MARCHF1: variants seen among roughly 807,000 people sequenced by gnomAD.
MARCHF1 encodes the protein membrane associated ring-CH-type finger 1.
MARCHF1 carries 40 observed loss-of-function variants against 54.2 expected under a neutral mutation model. The observed-to-expected ratio is 0.74, with a 90% CI of 0.57 to 0.96. The LOEUF (loss-of-function observed/expected upper bound fraction) is 0.96. MARCHF1 is among the 40% of genes least tolerant of loss of function. MARCHF1 has a pLI of 0.00. For missense variants in MARCHF1, 586 were observed against 656.5 expected (o/e 0.89, Z 1.17); for synonymous variants, 236 against 236.3 (o/e 1.00, Z 0.01).
rs374400445 is a variant in MARCHF1 at position 164,131,394 on chromosome 4, T to C, written c.-322-19732A>G. 3.4e-5 allele frequency among the ~76,000 whole-genome samples: 5 copies of C among 148,814 alleles called. No individual in the cohort carries two copies. In the South Asian group the frequency reaches 8.3e-4, roughly 25 times the overall value. On this transcript the variant is annotated intron_variant, in intron 1 of 9. Coordinates refer to ENST00000514618, the MANE Select transcript of MARCHF1 (RefSeq NM_001394959.1). Reference sequence around the variant, plus strand: ...TGTTTGTCTATGTGAAAAAATTCTTTCTGTCAGAGCAAATTACGTTTGGCA... The same window carrying C: ...TGTTTGTCTATGTGAAAAAATTCTTCCTGTCAGAGCAAATTACGTTTGGCA...
At chr4:163,701,132 T>C (rs2137142) in intron 4 of MARCHF1, among the ~76,000 whole-genome samples, 68,516 of 152,014 alleles carry the variant, frequency 0.45, 15,957 homozygotes, top group Non-Finnish European at 0.51. Context: ...GAAATAATTA[T>C]TTCTCCAGAA....
chr4:164,196,962 AG>A lies in MARCHF1; in HGVS notation c.-322-85301del, dbSNP rs1731279736. ...AATCACAATAGGAATTTTTCAAAAT[AG>A]GTTATTCTACTTAGTCATCATCTTC... On this transcript the variant is annotated intron_variant, in intron 1 of 9. Transcript: ENST00000514618. The A allele has an allele frequency of 4.4e-6, 7 of 1,599,920 alleles. No homozygotes were observed. In the East Asian group the frequency reaches 1.6e-4, roughly 36 times the overall value.
At chr4:163,806,946 A>G (rs762043393) in intron 4 of MARCHF1, among the ~76,000 whole-genome samples, 13 of 152,236 alleles carry the variant, frequency 8.5e-5, no homozygotes, top group Non-Finnish European at 1.6e-4. Context: ...GAAAAAATGT[A>G]CACTTAACAA....
intron 1 of MARCHF1, among the ~76,000 whole-genome samples, chr4:164,271,440 T>C (rs1733743568): frequency 6.6e-6 from 1 of 152,108 alleles, no homozygotes; most frequent in Non-Finnish European, 1.5e-5. Flanking sequence ...ATGCTGATGT[T>C]CTCTAGAAGG....
chr4:163,996,198 T>G (rs992182221), intron 2 of MARCHF1, among the ~76,000 whole-genome samples: 1 of 151,976 alleles, frequency 6.6e-6, no homozygotes, highest in Non-Finnish European at 1.5e-5. Context: ...CTAACATTAG[T>G]AATGTTATTA....
Position 163,528,753 on chromosome 4 carries a change from C to G in MARCHF1, c.1633G>C (p.Val545Leu). The change falls in exon 10 of 10, where the codon GTC becomes CTC. Residue 545 changes from valine (V) to leucine (L), a missense_variant. By Grantham distance (32) the Val-to-Leu change is conservative. Coordinates refer to ENST00000514618, the MANE Select transcript of MARCHF1 (RefSeq NM_001394959.1). ...GAAACTCCCAACAGGTTCCATCAGACTGATACAACTTCAGGGGGGCCACCC... is the reference window on the plus strand; with the variant it reads ...GAAACTCCCAACAGGTTCCATCAGAGTGATACAACTTCAGGGGGGCCACCC... ...AEGGPPEVVS[V>L] 1.2e-6 allele frequency: 2 copies of G among 1,608,296 alleles called. No individual in the cohort carries two copies. Among genetic ancestry groups the G allele is most frequent in the South Asian group, 2.2e-5 (2 of 90,278 alleles).
At chr4:164,013,750 T>A (rs1029541632) in intron 2 of MARCHF1, among the ~76,000 whole-genome samples, 1 of 113,342 alleles carries the variant, frequency 8.8e-6, no homozygotes, top group Non-Finnish European at 2.2e-5. Context: ...GAAAAAAAAA[T>A]CTTTCAACCT....
At chr4:163,598,911 T>C (rs1018421683) in intron 7 of MARCHF1, among the ~76,000 whole-genome samples, 1 of 152,258 alleles carries the variant, frequency 6.6e-6, no homozygotes, top group Admixed American at 6.5e-5. Context: ...TCTTTTGTCG[T>C]AACAGCTTAA....
chr4:163,954,351 T>A (rs758123841), intron 3 of MARCHF1, among the ~76,000 whole-genome samples: 1 of 152,138 alleles, frequency 6.6e-6, no homozygotes, highest in Non-Finnish European at 1.5e-5. Context: ...TGTCTAAAAC[T>A]TTCTTGGATG....
At chr4:163,951,400 C>T in intron 3 of MARCHF1, among the ~76,000 whole-genome samples, 1 of 152,118 alleles carries the variant, frequency 6.6e-6, no homozygotes, top group Non-Finnish European at 1.5e-5. Flanking sequence ...AGAAAATATG[C>T]CAATTTAAGT....
At chr4:163,795,763 C>A (rs1226293138) in intron 4 of MARCHF1, among the ~76,000 whole-genome samples, 1 of 152,202 alleles carries the variant, frequency 6.6e-6, no homozygotes, top group Non-Finnish European at 1.5e-5. Flanking sequence ...AGTTGGGGCA[C>A]TGGCCCCCAC....
chr4:163,825,345 G>T (rs1316822471), intron 4 of MARCHF1, among the ~76,000 whole-genome samples: 1 of 151,976 alleles, frequency 6.6e-6, no homozygotes, highest in African/African-American at 2.4e-5. Context: ...GTCTAACATT[G>T]ATGGGCATCT....
chr4:163,982,317 C>A (rs774152285), intron 3 of MARCHF1, among the ~76,000 whole-genome samples: 10 of 152,180 alleles, frequency 6.6e-5, no homozygotes, highest in South Asian at 2.1e-4. Flanking sequence ...GTGTCAGATT[C>A]ACACCTGCTA....
chr4:164,336,784 A>G (rs1729753384), intron 1 of MARCHF1, among the ~76,000 whole-genome samples: 1 of 152,202 alleles, frequency 6.6e-6, no homozygotes, highest in African/African-American at 2.4e-5. Context: ...GTCTCATCAC[A>G]TGAAAGAAGC....
chr4:163,529,370 A>T (rs1193507982), intron 9 of MARCHF1, among the ~76,000 whole-genome samples: 2 of 152,066 alleles, frequency 1.3e-5, no homozygotes, highest in East Asian at 3.9e-4. Flanking sequence ...ACTGACATTT[A>T]TCCCTTATAG....
intron 5 of MARCHF1, among the ~76,000 whole-genome samples, chr4:163,669,432 A>G (rs1743651652): frequency 6.6e-6 from 1 of 152,116 alleles, no homozygotes; most frequent in African/African-American, 2.4e-5. Context: ...ACTTCCTGCT[A>G]ACACTTAATC....
At chr4:164,253,097 A>G (rs1369737308) in intron 1 of MARCHF1, among the ~76,000 whole-genome samples, 1 of 152,168 alleles carries the variant, frequency 6.6e-6, no homozygotes, top group African/African-American at 2.4e-5. Context: ...AATAATAGAC[A>G]TGAAGAAACA....
chr4:164,045,539 AT>A (rs1754224179), intron 2 of MARCHF1, among the ~76,000 whole-genome samples: 1 of 151,504 alleles, frequency 6.6e-6, no homozygotes, highest in Non-Finnish European at 1.5e-5. Context: ...AAATAAATAA[AT>A]AAATAAATAA....
chr4:164,034,636 A>G (rs79204048), intron 2 of MARCHF1, among the ~76,000 whole-genome samples: 18,223 of 151,410 alleles, frequency 0.12, 1,247 homozygotes, highest in South Asian at 0.22. Context: ...GTGTGTGTGT[A>G]TATATATATA....
Sources: allele counts gnomAD v4.1 joint callset (sites outside exome capture counted in the v4.1 genomes callset), GRCh38; gene constraint gnomAD v4.1.1; transcripts MANE v1.5; gene names NCBI Gene and HGNC (gene_info 2026-07-23, HGNC 2026-07-21).